CRACR2A: variants seen among roughly 807,000 people sequenced by gnomAD.
CRACR2A encodes the protein EF-hand calcium-binding domain-containing protein 4B.
Under a neutral mutation model 90.5 loss-of-function variants are expected in CRACR2A, and 79 were observed. The observed-to-expected ratio is 0.87, with a 90% CI of 0.73 to 1.05. The LOEUF (loss-of-function observed/expected upper bound fraction) is 1.05. CRACR2A is among the 50% of genes least tolerant of loss of function. The pLI, the probability that CRACR2A is intolerant of heterozygous loss-of-function variation, is 0.00. For synonymous variants in CRACR2A, 338 were observed against 356.7 expected (o/e 0.95, Z 0.59); for missense variants, 823 against 897.2 (o/e 0.92, Z 1.06).
intron 9 of CRACR2A, among the ~76,000 whole-genome samples, chr12:3,655,168 G>C (rs897179632): frequency 6.6e-6 from 1 of 152,202 alleles, no homozygotes; most frequent in African/African-American, 2.4e-5. Context: ...GGAATTTGGC[G>C]TGATTCTCAA....
intron 14 of CRACR2A, among the ~76,000 whole-genome samples, chr12:3,635,881 ACTTTT>A (rs1261713241): frequency 6.6e-6 from 1 of 152,166 alleles, no homozygotes; most frequent in African/African-American, 2.4e-5. Flanking sequence ...ATTCCTTCCA[ACTTTT>A]CTTTATATCA....
chr12:3,750,134 C>T (rs1316441256), intron 1 of CRACR2A, among the ~76,000 whole-genome samples: 3 of 150,462 alleles, frequency 2.0e-5, no homozygotes, highest in Non-Finnish European at 4.4e-5. Context: ...TGAGGTTTTG[C>T]CACGTTGGCC....
chr12:3,702,318 A>G (rs1374991580), intron 3 of CRACR2A, among the ~76,000 whole-genome samples: 2 of 152,206 alleles, frequency 1.3e-5, no homozygotes, highest in Admixed American at 6.5e-5. Context: ...TGGAGCAAGA[A>G]AAAGAAATAA....
chr12:3,654,201 G>C lies in CRACR2A; in HGVS notation c.1046+11C>G, dbSNP rs200032523. ...GAAGACAGCAGAGGAGTGGACAAAG[G>C]CTGGACTCACATCTCCTTCTCTTGG... On this transcript the variant is annotated intron_variant, in intron 10 of 19. Coordinates refer to ENST00000440314, the MANE Select transcript of CRACR2A (RefSeq NM_001144958.2). 8.1e-6 allele frequency: 13 copies of C among 1,609,580 alleles called. No homozygotes were observed. Among genetic ancestry groups the C allele is most frequent in the Middle Eastern group, 1.9e-4 (1 of 5,272 alleles).
At chr12:3,655,359 A>G (rs979711969) in intron 9 of CRACR2A, among the ~76,000 whole-genome samples, 4 of 152,216 alleles carry the variant, frequency 2.6e-5, no homozygotes, top group Admixed American at 2.6e-4. Flanking sequence ...CCCGGAGTAG[A>G]AATCATCTTG....
At chr12:3,669,641 G>T (rs1945206685) in intron 7 of CRACR2A, among the ~76,000 whole-genome samples, 1 of 152,190 alleles carries the variant, frequency 6.6e-6, no homozygotes, top group South Asian at 2.1e-4. Flanking sequence ...GAGGACTCTG[G>T]GTTGTTTCTA....
rs1055024665 is a variant in CRACR2A at position 3,651,970 on chromosome 12, G to A, written c.1046+2242C>T. On this transcript the variant is annotated intron_variant, in intron 10 of 19. Transcript: ENST00000440314. ...CTGCTCTCCTGGCCTCCCTGGACGG[G>A]ACATGCTCTCCGGGCCCCAGCATGC... 3.3e-5 allele frequency among the ~76,000 whole-genome samples: 5 copies of A among 152,148 alleles called. 1 individual carries two copies. Among genetic ancestry groups the A allele is most frequent in the Admixed American group, 2.6e-4 (4 of 15,278 alleles).
intron 4 of CRACR2A, among the ~76,000 whole-genome samples, chr12:3,683,595 G>A (rs1195024366): frequency 2.0e-5 from 3 of 152,198 alleles, no homozygotes; most frequent in Admixed American, 2.0e-4. Context: ...GTTAGGTCAG[G>A]TTATACAAGC....
At chr12:3,684,777 G>C (rs1175264987) in intron 4 of CRACR2A, among the ~76,000 whole-genome samples, 1 of 152,196 alleles carries the variant, frequency 6.6e-6, no homozygotes, top group Non-Finnish European at 1.5e-5. Context: ...CACTGTGCAG[G>C]CATGCTTGCG....
chr12:3,628,256 A>G (rs1219841446), intron 15 of CRACR2A, among the ~76,000 whole-genome samples: 1 of 148,418 alleles, frequency 6.7e-6, no homozygotes, highest in Admixed American at 6.7e-5. Flanking sequence ...CTTCTTTCCT[A>G]AAATTCTTTC....
intron 4 of CRACR2A, among the ~76,000 whole-genome samples, chr12:3,688,780 T>C (rs1014817035): frequency 1.3e-5 from 2 of 152,246 alleles, no homozygotes; most frequent in African/African-American, 4.8e-5. Context: ...CTTTAGGCAG[T>C]ATGGCCATTT....
chr12:3,672,106 C>T (rs1414674679), intron 7 of CRACR2A, among the ~76,000 whole-genome samples: 1 of 152,222 alleles, frequency 6.6e-6, no homozygotes, highest in Non-Finnish European at 1.5e-5. Flanking sequence ...TCCAGTGATA[C>T]TTGTCCTCAG....
intron 11 of CRACR2A, 25 bp from the exon 12 acceptor site, chr12:3,644,665 T>C (rs1944653833): frequency 6.4e-7 from 1 of 1,551,162 alleles, no homozygotes; most frequent in African/African-American, 1.4e-5. Context: ...GGGGAATCTA[T>C]TCAAACATGG....
intron 11 of CRACR2A, 162 bp downstream of exon 11, chr12:3,648,380 C>G: frequency 6.6e-7 from 1 of 1,523,926 alleles, no homozygotes; most frequent in Non-Finnish European, 8.8e-7. Flanking sequence ...AGAGTGGCTA[C>G]TTGGTGGTCC....
chr12:3,638,555 T>C (rs79045145), intron 13 of CRACR2A, 101 bp from the exon 14 acceptor site: 3 of 1,333,368 alleles, frequency 2.2e-6, no homozygotes, highest in Admixed American at 5.6e-5. Context: ...CCAAGGAGCA[T>C]CACACCTTTG....
chr12:3,638,075 A>G (rs1243718580), intron 14 of CRACR2A, 49 bp downstream of exon 14: 2 of 1,477,468 alleles, frequency 1.4e-6, no homozygotes, highest in Admixed American at 4.7e-5. Context: ...AATGCAAGAG[A>G]CAGATCATAG....
chr12:3,731,661 A>AG (rs1437407616), intron 2 of CRACR2A: 3 of 152,254 alleles, frequency 2.0e-5, no homozygotes, highest in Non-Finnish European at 2.9e-5. Context: ...CCTAACCCCT[A>AG]GTACCTCAGA....
At chr12:3,678,288 T>C (rs1945373525) in intron 6 of CRACR2A, among the ~76,000 whole-genome samples, 1 of 151,844 alleles carries the variant, frequency 6.6e-6, no homozygotes, top group South Asian at 2.1e-4. Flanking sequence ...GGTGGAGGGG[T>C]AGTTATGTTT....
chr12:3,745,281 TC>T (rs1248572167), intron 1 of CRACR2A, among the ~76,000 whole-genome samples: 2 of 152,154 alleles, frequency 1.3e-5, no homozygotes, highest in Non-Finnish European at 2.9e-5. Flanking sequence ...CAATGTGTTA[TC>T]CCTGATGGTA....
Sources: gnomAD v4.1 joint callset for allele counts (sites outside exome capture counted in the v4.1 genomes callset) on GRCh38, gnomAD v4.1.1 for gene constraint, MANE v1.5 for transcripts, NCBI Gene and HGNC (gene_info 2026-07-23, HGNC 2026-07-21) for gene names.